The following TASP1 variants were observed in gnomAD, a reference collection of about 807,000 sequenced individuals.
TASP1 encodes the protein threonine aspartase 1.
In TASP1, 16 loss-of-function variants were observed where a neutral mutation model predicts 56.6. That is an observed-to-expected ratio of 0.28 (90% CI 0.19 to 0.43). The LOEUF is 0.43. Among genes scored for constraint, TASP1 ranks in the 20% least tolerant of loss-of-function variants. The pLI is 1.00. For synonymous variants in TASP1, 179 were observed against 184.2 expected (o/e 0.97, Z 0.23); for missense variants, 393 against 511.6 (o/e 0.77, Z 2.24).
intron 1 of TASP1, among the ~76,000 whole-genome samples, chr20:13,635,342 T>A (rs1285871805): frequency 6.6e-6 from 1 of 151,438 alleles, no homozygotes; most frequent in Non-Finnish European, 1.5e-5. Flanking sequence ...TAGTTCTTCA[T>A]AACTCACCTC....
At chr20:13,145,355 G>A in the TASP1 span, among the ~76,000 whole-genome samples, 1 of 152,058 alleles carries the variant, frequency 6.6e-6, no homozygotes, top group African/African-American at 2.4e-5. Context: ...CAGCAAAACT[G>A]AGAGCCAAAT....
intron 12 of TASP1, among the ~76,000 whole-genome samples, chr20:13,430,835 A>G (rs2042780925): frequency 6.6e-6 from 1 of 152,220 alleles, no homozygotes; most frequent in Non-Finnish European, 1.5e-5. Context: ...ATCAGTAGAC[A>G]AAGGGCAAAC....
the TASP1 span, among the ~76,000 whole-genome samples, chr20:13,127,414 A>G: frequency 6.6e-6 from 1 of 152,192 alleles, no homozygotes; most frequent in African/African-American, 2.4e-5. Context: ...CATTTATGGA[A>G]GTAGCAATTT....
intron 8 of TASP1, among the ~76,000 whole-genome samples, chr20:13,540,286 T>C (rs900067046): frequency 2.0e-5 from 3 of 152,194 alleles, no homozygotes; most frequent in Non-Finnish European, 2.9e-5. Flanking sequence ...ATTTGACTTA[T>C]TTGTCTGAAA....
chr20:13,164,710 C>T, the TASP1 span: 1 of 1,480,012 alleles, frequency 6.8e-7, no homozygotes, highest in South Asian at 1.2e-5. Flanking sequence ...AGCAGGGCTA[C>T]TTAGGTGTTC....
the TASP1 span, among the ~76,000 whole-genome samples, chr20:13,236,394 C>T: frequency 2.6e-5 from 4 of 152,180 alleles, no homozygotes; most frequent in African/African-American, 9.7e-5. Context: ...CTGGGTCCTT[C>T]CCACAACACA....
the TASP1 span, among the ~76,000 whole-genome samples, chr20:13,296,407 G>A: frequency 3.3e-5 from 5 of 152,278 alleles, no homozygotes; most frequent in African/African-American, 1.2e-4. Context: ...AGTAAGGAGA[G>A]GATTTATTCA....
chr20:13,626,063 A>T (rs1194265016), intron 2 of TASP1, among the ~76,000 whole-genome samples: 1 of 152,184 alleles, frequency 6.6e-6, no homozygotes, highest in African/African-American at 2.4e-5. Context: ...TCATTAATGG[A>T]GCACTGAACC....
At chr20:13,487,749 C>CA (rs34801994) in intron 10 of TASP1, among the ~76,000 whole-genome samples, 1 of 151,806 alleles carries the variant, frequency 6.6e-6, no homozygotes, top group Non-Finnish European at 1.5e-5. Context: ...TAGCAAAAAA[C>CA]AAAAAAATTA....
At chr20:13,540,919 A>T (rs964756962) in intron 8 of TASP1, among the ~76,000 whole-genome samples, 1 of 150,766 alleles carries the variant, frequency 6.6e-6, no homozygotes, top group African/African-American at 2.4e-5. Flanking sequence ...TATCTTAAAA[A>T]ACAAAACCAA....
the TASP1 span, among the ~76,000 whole-genome samples, chr20:13,322,937 A>G: frequency 9.2e-5 from 14 of 152,198 alleles, no homozygotes; most frequent in African/African-American, 3.1e-4. Flanking sequence ...TTAGAATAAA[A>G]TCCTGGGTTA....
intron 12 of TASP1, among the ~76,000 whole-genome samples, chr20:13,433,741 C>T (rs2146180341): frequency 6.6e-6 from 1 of 150,868 alleles, no homozygotes; most frequent in African/African-American, 2.4e-5. Context: ...CGACAACAAT[C>T]ACACAATATA....
chr20:13,570,379 T>C (rs2046671188), intron 6 of TASP1, among the ~76,000 whole-genome samples: 1 of 152,142 alleles, frequency 6.6e-6, no homozygotes, highest in Non-Finnish European at 1.5e-5. Context: ...AGTAATGGAT[T>C]CCTTGAACTT....
chr20:13,588,632 A>T (rs1057108543), intron 4 of TASP1, among the ~76,000 whole-genome samples: 3 of 152,208 alleles, frequency 2.0e-5, no homozygotes, highest in Non-Finnish European at 4.4e-5. Context: ...TATGCTAAAA[A>T]CTGTAAAACA....
the TASP1 span, among the ~76,000 whole-genome samples, chr20:13,319,748 A>T: frequency 2.0e-5 from 3 of 152,302 alleles, no homozygotes; most frequent in East Asian, 5.8e-4. Context: ...CCCTGCACAC[A>T]CACACTCTAG....
At chr20:13,515,591 G>T (rs1568533929) in intron 10 of TASP1, among the ~76,000 whole-genome samples, 1 of 146,734 alleles carries the variant, frequency 6.8e-6, no homozygotes, top group Admixed American at 6.8e-5. Context: ...ACACCATTCA[G>T]ATTATTATCC....
At chr20:13,627,625 C>T (rs1240113533) in intron 2 of TASP1, among the ~76,000 whole-genome samples, 3 of 151,308 alleles carry the variant, frequency 2.0e-5, no homozygotes, top group Admixed American at 6.6e-5. Flanking sequence ...GTGGCACGTG[C>T]CTGTAATCCC....
At chr20:13,528,601 T>C in intron 9 of TASP1, 90 bp from the exon 10 acceptor site, 2 of 1,144,286 alleles carry the variant, frequency 1.7e-6, no homozygotes, top group Middle Eastern at 2.8e-4. Flanking sequence ...TAATAAAGCC[T>C]GGTTTAATAA....
the TASP1 span, among the ~76,000 whole-genome samples, chr20:13,259,155 C>A: frequency 2.0e-5 from 3 of 151,962 alleles, no homozygotes; most frequent in Admixed American, 2.0e-4. Flanking sequence ...TGGTGGTATG[C>A]GCCTGTAGTC....
Sources: gnomAD v4.1 joint callset for allele counts (sites outside exome capture counted in the v4.1 genomes callset) on GRCh38, gnomAD v4.1.1 for gene constraint, MANE v1.5 for transcripts, NCBI Gene and HGNC (gene_info 2026-07-23, HGNC 2026-07-21) for gene names.